The following FBN3 variants were observed in gnomAD, a reference collection of about 807,000 sequenced individuals.
The protein encoded by FBN3 is fibrillin-3.
FBN3 carries 234 observed loss-of-function variants against 330.1 expected under a neutral mutation model. That is an observed-to-expected ratio of 0.71 (90% CI 0.64 to 0.79). The LOEUF (loss-of-function observed/expected upper bound fraction) is 0.79. FBN3 is among the 30% of genes least tolerant of loss of function. The pLI, the probability that FBN3 is intolerant of heterozygous loss-of-function variation, is 0.00. For missense variants in FBN3, 3,606 were observed against 3,886.9 expected (o/e 0.93, Z 1.92); for synonymous variants, 1,458 against 1,517.3 (o/e 0.96, Z 0.91).
At chr19:8,144,728 A>G (rs2083492496) in intron 6 of FBN3, 149 bp downstream of exon 6, 2 of 598,204 alleles carry the variant, frequency 3.3e-6, no homozygotes, top group African/African-American at 1.8e-5. Flanking sequence ...CAGATGAGCA[A>G]ATGAAAGAAA....
chr19:8,121,630 A>T lies in FBN3; in HGVS notation c.3083-244T>A, dbSNP rs1300795578. On this transcript the variant is annotated intron_variant, in intron 24 of 63. Coordinates refer to ENST00000600128, the MANE Select transcript of FBN3 (RefSeq NM_032447.5). This position sits in a 1 kb window ranked among gnomAD's most constrained non-coding sequence, Gnocchi z 4.5. ...CAAAAGGAGCCGAGGAAATGGAGGA[A>T]CCCCAAACTAAACATGACAAGGGCA... is the stretch of plus-strand genomic sequence containing the variant. Among the ~76,000 whole-genome samples, 1 of 152,090 alleles carries T rather than the reference A, an allele frequency of 6.6e-6. No individual in the cohort carries two copies. Among genetic ancestry groups the T allele is most frequent in the African/African-American group, 2.4e-5 (1 of 41,418 alleles).
In FBN3 at chr19:8,090,388, CT is replaced by C. The variant is rs1395491483; in HGVS notation, c.6032-138del. The C allele has an allele frequency of 9.7e-6, 9 of 931,254 alleles. No individual in the cohort carries two copies. The African/African-American group carries it at 1.3e-4, about 14-fold the overall frequency. The allele number at this position is 931,254 out of a possible 1,614,324, so 57.7% of individuals were successfully genotyped here. On this transcript the variant is annotated intron_variant, in intron 48 of 63. Coordinates refer to ENST00000600128, the MANE Select transcript of FBN3 (RefSeq NM_032447.5). ...TGGCCAATCAGAACATGCCATGCCC[CT>C]GGTCATGGTGATTGGTTTGAGTATG...
At chr19:8,100,820 G>T in intron 41 of FBN3, 81 bp downstream of exon 41, 3 of 1,057,342 alleles carry the variant, frequency 2.8e-6, no homozygotes, top group Non-Finnish European at 2.9e-6. Flanking sequence ...AAGGAAAAGA[G>T]CTGTTGAGGA....
chr19:8,065,685 T>A lies in FBN3; in HGVS notation c.*234A>T. The A allele has an allele frequency of 5.7e-6, 3 of 527,294 alleles. No homozygotes were observed. Among genetic ancestry groups the A allele is most frequent in the Non-Finnish European group, 1.0e-5 (3 of 300,740 alleles). The allele number at this position is 527,294 out of a possible 1,614,324, so 32.7% of individuals were successfully genotyped here. A position where few individuals can be genotyped will look rare whatever the true frequency, so the allele number is the denominator to read the frequency against. ...GACCTTGGCTGTGGGGGCAGGGGGA[T>A]TGCACATTGCAGCTTCTTGCTGTCT... On this transcript the variant is annotated 3_prime_UTR_variant, in exon 64 of 64. Transcript: ENST00000600128.
At chr19:8,133,326 C>G (rs2083195201) in intron 13 of FBN3, among the ~76,000 whole-genome samples, 1 of 152,250 alleles carries the variant, frequency 6.6e-6, no homozygotes, top group Non-Finnish European at 1.5e-5. Flanking sequence ...GGCTGCAATA[C>G]AGTAGGTGCT....
intron 59 of FBN3, among the ~76,000 whole-genome samples, chr19:8,080,252 C>T (rs1010356146): frequency 3.9e-5 from 6 of 152,308 alleles, no homozygotes; most frequent in Non-Finnish European, 5.9e-5. Flanking sequence ...GATTAGTGGG[C>T]GCGTGAAAGG....
chr19:8,115,476 G>C, intron 30 of FBN3, 39 bp downstream of exon 30: 1 of 1,607,768 alleles, frequency 6.2e-7, no homozygotes, highest in Non-Finnish European at 8.5e-7. Flanking sequence ...AATGGCCCCG[G>C]GGAGTCCCCT....
In FBN3 at chr19:8,066,145, C is replaced by T; in HGVS notation, c.8204G>A (p.Gly2735Asp). 1 of 1,613,430 alleles carries T rather than the reference C, an allele frequency of 6.2e-7. No homozygotes were observed. The highest frequency in any genetic ancestry group is 8.5e-7 in the Non-Finnish European group (1 of 1,180,006). ...GCGGACGATGACGTAGCGGATCCGG[C>T]CCTCTAGACCCTCCAGGGCCGGCCG... ...ELRPALEGLE[G>D]RIRYVIVRGN... Residue 2735 changes from glycine to aspartate, a missense_variant, in exon 64 of 64, where the codon GGC becomes GAC. Transcript: ENST00000600128.
chr19:8,089,122 T>G (rs111211964), intron 51 of FBN3, among the ~76,000 whole-genome samples: 1,812 of 151,880 alleles, frequency 0.012, 32 homozygotes, highest in African/African-American at 0.04. Flanking sequence ...GACGTGTGAA[T>G]GAATGAGGGA....
chr19:8,135,936 G>GCACCCCCCCCCCCC, intron 13 of FBN3, 25 bp downstream of exon 13: 2 of 668,776 alleles, frequency 3.0e-6, no homozygotes, highest in Non-Finnish European at 4.8e-6. Context: ...GGAAGCCCCT[G>GCACCCCCCCCCCCC]CCCACCCGCC....
intron 63 of FBN3, among the ~76,000 whole-genome samples, chr19:8,067,356 C>T (rs1244043520): frequency 1.3e-5 from 2 of 152,054 alleles, no homozygotes; most frequent in East Asian, 3.9e-4. Context: ...AAACTCCTGG[C>T]CTCAAGTGAT....
intron 13 of FBN3, 26 bp downstream of exon 13, chr19:8,135,935 T>TGGGGGGGGGGGGGGGGGGG: frequency 2.5e-5 from 33 of 1,344,138 alleles, no homozygotes; most frequent in Non-Finnish European, 3.0e-5. Context: ...CGGAAGCCCC[T>TGGGGGGGGGGGGGGGGGGG]GCCCACCCGC....
In FBN3 at chr19:8,131,344, T is replaced by C. The variant is rs900286121; in HGVS notation, c.1991-56A>G. ...CAGGGAGCTTAGCCATGGCTCGGAT[T>C]CAGCCACAGGCAAGGATGAGGCCCT... On this transcript the variant is annotated intron_variant, in intron 15 of 63. Coordinates refer to ENST00000600128, the MANE Select transcript of FBN3 (RefSeq NM_032447.5). This position sits in a 1 kb window ranked among gnomAD's most constrained non-coding sequence, Gnocchi z 4.5. The C allele has an allele frequency of 1.3e-6, 2 of 1,586,434 alleles. No homozygotes were observed. The highest frequency in any genetic ancestry group is 1.1e-5 in the South Asian group (1 of 88,924).
At chr19:8,136,565 T>G in intron 10 of FBN3, 34 bp from the exon 11 acceptor site, 14 of 1,610,944 alleles carry the variant, frequency 8.7e-6, no homozygotes, top group Non-Finnish European at 1.2e-5. Context: ...ATCTGAGCAG[T>G]GGCTGGCCCC....
At position 8,129,038 on chromosome 19, in the gene FBN3, C is replaced by A; in HGVS notation, c.2286G>T (p.Glu762Asp). The A allele has an allele frequency of 6.2e-7, 1 of 1,612,878 alleles. No individual in the cohort carries two copies. The highest frequency in any genetic ancestry group is 2.2e-5 in the East Asian group (1 of 44,876). Residue 762 changes from glutamate to aspartate, a missense_variant, in exon 18 of 64, where the codon GAG (glutamate) becomes GAT (aspartate). By Grantham distance (45) the Glu-to-Asp change is conservative. Coordinates refer to ENST00000600128, the MANE Select transcript of FBN3 (RefSeq NM_032447.5). This position sits in a 1 kb window ranked among gnomAD's most constrained non-coding sequence, Gnocchi z 4.5. ...CCCGGGACCCAGTACCTTTGCAGATCTCCGTGTCCTGCCAGAAGTGGAAGC... is the reference window on the plus strand; with the variant it reads ...CCCGGGACCCAGTACCTTTGCAGATATCCGTGTCCTGCCAGAAGTGGAAGC... Reference protein sequence around the residue: ...PPGFHFWQDTEICKDVDECLS... With the variant: ...PPGFHFWQDTDICKDVDECLS...
chr19:8,141,412 G>T (rs1200543690), intron 8 of FBN3, among the ~76,000 whole-genome samples: 1 of 151,220 alleles, frequency 6.6e-6, no homozygotes, highest in African/African-American at 2.4e-5. Context: ...TGAACAAGGG[G>T]TCTCTCTCCT....
intron 22 of FBN3, among the ~76,000 whole-genome samples, chr19:8,124,601 A>T (rs1409652406): frequency 6.8e-6 from 1 of 146,400 alleles, no homozygotes; most frequent in South Asian, 2.2e-4. Context: ...GCAGCGGCAC[A>T]ATCTCAGCTC....
At chr19:8,114,842 C>A (rs1452818823) in intron 30 of FBN3, among the ~76,000 whole-genome samples, 1 of 151,620 alleles carries the variant, frequency 6.6e-6, no homozygotes, top group Non-Finnish European at 1.5e-5. Flanking sequence ...CCTGGGTTCA[C>A]GCCATTCTCC....
chr19:8,081,125 G>T lies in FBN3; in HGVS notation c.7337-6C>A. On this transcript the variant is annotated splice_region_variant and splice_polypyrimidine_tract_variant and intron_variant, in intron 58 of 63. Transcript: ENST00000600128. The stretch of plus-strand genomic sequence containing the variant: ...GGAGGTGCATTCGTCCAGGTCTGCA[G>T]CACGGATGGTCCAGCAGGCTCAGGG... 2 of 1,610,998 alleles carry T rather than the reference G, an allele frequency of 1.2e-6. No homozygotes were observed. The highest frequency in any genetic ancestry group is 2.2e-5 in the East Asian group (1 of 44,860).
Sources: allele counts gnomAD v4.1 joint callset (sites outside exome capture counted in the v4.1 genomes callset), GRCh38; gene constraint gnomAD v4.1.1; non-coding constraint Gnocchi (gnomAD v3.1); transcripts MANE v1.5; gene names NCBI Gene and HGNC (gene_info 2026-07-23, HGNC 2026-07-21).